Variants in DLGAP2 observed in about 807,000 individuals in gnomAD.
DLGAP2 encodes disks large-associated protein 2.
Under a neutral mutation model 100.3 loss-of-function variants are expected in DLGAP2, and 26 were observed. That is an observed-to-expected ratio of 0.26 (90% CI 0.19 to 0.36). DLGAP2 has a LOEUF of 0.36. DLGAP2 is among the 10% of genes least tolerant of loss of function. The pLI, the probability that DLGAP2 is intolerant of heterozygous loss-of-function variation, is 1.00. For synonymous variants in DLGAP2, 886 were observed against 630.1 expected (o/e 1.41, Z -6.08); for missense variants, 1,858 against 1,453.2 (o/e 1.28, Z -4.53).
At chr8:1,460,888 G>C (rs1348020330) in intron 3 of DLGAP2, among the ~76,000 whole-genome samples, 1 of 152,212 alleles carries the variant, frequency 6.6e-6, no homozygotes, top group African/African-American at 2.4e-5. Flanking sequence ...TTCCACACAA[G>C]TCTTTGGGTC....
chr8:812,080 G>A (rs1796381679), intron 1 of DLGAP2, among the ~76,000 whole-genome samples: 1 of 152,246 alleles, frequency 6.6e-6, no homozygotes, highest in African/African-American at 2.4e-5. Flanking sequence ...TAGGATGTGT[G>A]TGCTCCTCCA....
intron 5 of DLGAP2, among the ~76,000 whole-genome samples, chr8:1,563,283 G>T (rs1448669165): frequency 2.8e-5 from 1 of 35,726 alleles, no homozygotes; most frequent in East Asian, 9.9e-4. Flanking sequence ...GCGCCTCGTT[G>T]CTGGGGGACT....
At chr8:1,592,995 C>T (rs1374150325) in intron 6 of DLGAP2, among the ~76,000 whole-genome samples, 91 of 152,252 alleles carry the variant, frequency 6.0e-4, no homozygotes, top group African/African-American at 2.0e-3. Flanking sequence ...TTATGAAGTA[C>T]TCAAATTATT....
intron 3 of DLGAP2, among the ~76,000 whole-genome samples, chr8:1,346,125 T>A (rs933031492): frequency 2.0e-5 from 3 of 152,036 alleles, no homozygotes; most frequent in Non-Finnish European, 4.4e-5. Flanking sequence ...TGTGTGGAAG[T>A]CAAAAGCCCA....
At chr8:1,501,533 C>G in intron 4 of DLGAP2, 102 bp downstream of exon 4, 1 of 1,166,686 alleles carries the variant, frequency 8.6e-7, no homozygotes, top group African/African-American at 1.6e-5. Flanking sequence ...CACACGTTAG[C>G]ATGTTTAGAA....
At chr8:1,183,620 G>A (rs1418947280) in intron 2 of DLGAP2, among the ~76,000 whole-genome samples, 2 of 152,216 alleles carry the variant, frequency 1.3e-5, no homozygotes, top group Admixed American at 6.5e-5. Context: ...TTGCGAGGGA[G>A]GCACCGCTCC....
chr8:1,541,788 G>C (rs897299352), intron 4 of DLGAP2, among the ~76,000 whole-genome samples: 1 of 152,144 alleles, frequency 6.6e-6, no homozygotes, highest in African/African-American at 2.4e-5. Context: ...TCACATTATC[G>C]GGTCAGTTAA....
chr8:1,105,194 C>T (rs1201531739), intron 2 of DLGAP2: 1 of 152,224 alleles, frequency 6.6e-6, no homozygotes, highest in African/African-American at 2.4e-5. Flanking sequence ...TTCTTAACGC[C>T]ACCTTTTCAT....
intron 3 of DLGAP2, among the ~76,000 whole-genome samples, chr8:1,297,552 G>T (rs1358888770): frequency 7.7e-6 from 1 of 129,090 alleles, no homozygotes; most frequent in African/African-American, 3.0e-5. Flanking sequence ...AACGTGGCAG[G>T]CATGAACAGA....
chr8:884,962 G>A (rs1161263886), intron 1 of DLGAP2, among the ~76,000 whole-genome samples: 1 of 152,112 alleles, frequency 6.6e-6, no homozygotes, highest in Non-Finnish European at 1.5e-5. Flanking sequence ...TGTTATTTCT[G>A]AGGTCTCTGT....
At chr8:1,474,219 G>GT (rs894820726) in intron 3 of DLGAP2, among the ~76,000 whole-genome samples, 1 of 152,070 alleles carries the variant, frequency 6.6e-6, no homozygotes, top group African/African-American at 2.4e-5. Flanking sequence ...ATTTTATTCC[G>GT]TTTTTTGGCT....
chr8:1,224,080 T>C (rs1039352471), intron 2 of DLGAP2, among the ~76,000 whole-genome samples: 4 of 152,218 alleles, frequency 2.6e-5, no homozygotes, highest in African/African-American at 9.6e-5. Context: ...ACGATATGTT[T>C]GTGGCATCGT....
At chr8:875,289 T>C (rs1473194990) in intron 1 of DLGAP2, among the ~76,000 whole-genome samples, 1 of 152,206 alleles carries the variant, frequency 6.6e-6, no homozygotes, top group African/African-American at 2.4e-5. Context: ...TGTTTTACTT[T>C]TTTCCCCTCA....
At position 1,418,003 on chromosome 8, in the gene DLGAP2, T is replaced by C. The variant is rs1220366419; in HGVS notation, c.107-83363T>C. ...ATCTGAAATCAGCACGTTTGGAGAATGGGCTCTACAGTCCCGTTCTGGACA... is the reference window on the plus strand; with the variant it reads ...ATCTGAAATCAGCACGTTTGGAGAACGGGCTCTACAGTCCCGTTCTGGACA... On this transcript the variant is annotated intron_variant, in intron 3 of 14. Coordinates refer to ENST00000637795, the MANE Select transcript of DLGAP2 (RefSeq NM_001346810.2). Among the ~76,000 whole-genome samples the C allele has an allele frequency of 2.6e-5, 4 of 152,204 alleles. No individual in the cohort carries two copies. In the East Asian group the frequency reaches 7.7e-4, roughly 29 times the overall value.
chr8:1,229,924 G>T (rs1327302680), intron 2 of DLGAP2, among the ~76,000 whole-genome samples: 2 of 152,098 alleles, frequency 1.3e-5, no homozygotes, highest in Non-Finnish European at 2.9e-5. Context: ...ATACTGAATA[G>T]ACACAAGCTG....
chr8:1,231,275 A>G (rs1217791188), intron 2 of DLGAP2, among the ~76,000 whole-genome samples: 1 of 152,230 alleles, frequency 6.6e-6, no homozygotes. Flanking sequence ...ATGTAAATCA[A>G]ACCACAATGA....
chr8:1,624,456 C>G (rs571200834), intron 6 of DLGAP2, among the ~76,000 whole-genome samples: 6 of 151,888 alleles, frequency 4.0e-5, no homozygotes, highest in Non-Finnish European at 7.4e-5. Context: ...CGCACAGGCA[C>G]GTGGACACAT....
intron 10 of DLGAP2, among the ~76,000 whole-genome samples, chr8:1,671,318 C>G (rs946251657): frequency 6.6e-6 from 1 of 152,254 alleles, no homozygotes; most frequent in African/African-American, 2.4e-5. Flanking sequence ...ACAAAGCTGG[C>G]TAGCCCGTGT....
At position 1,328,228 on chromosome 8, in the gene DLGAP2, G is replaced by C. The variant is rs141400121; in HGVS notation, c.106+69345G>C. Among the ~76,000 whole-genome samples, 221 of 151,880 alleles carry C rather than the reference G, an allele frequency of 1.5e-3. 1 individual carries two copies. The highest frequency in any genetic ancestry group is 4.8e-3 in the African/African-American group (200 of 41,424). Reference sequence around the variant, plus strand: ...CTAATTTTTTTATTTTTTTAGTTGAGACAGGATTTCACCTCATTGGCCAGG... The same window carrying C: ...CTAATTTTTTTATTTTTTTAGTTGACACAGGATTTCACCTCATTGGCCAGG... On this transcript the variant is annotated intron_variant, in intron 3 of 14. Transcript: ENST00000637795.
Sources: gnomAD v4.1 joint callset for allele counts (sites outside exome capture counted in the v4.1 genomes callset) on GRCh38, gnomAD v4.1.1 for gene constraint, MANE v1.5 for transcripts, NCBI Gene and HGNC (gene_info 2026-07-23, HGNC 2026-07-21) for gene names.